Variants in MTCL2 observed in about 807,000 individuals in gnomAD.
The protein encoded by MTCL2 is microtubule cross-linking factor 2.
chr20:36,849,060 C>CTTTTTTTTTTTTTTTTTTTTTTTTTT, the MTCL2 span, among the ~76,000 whole-genome samples: 3 of 62,238 alleles, frequency 4.8e-5, no homozygotes, highest in African/African-American at 1.3e-4. Context: ...AGTTGGTTTC[C>CTTTTTTTTTTTTTTTTTTTTTTTTTT]TTTTTTTTTT....
the MTCL2 span, chr20:36,784,564 C>T: frequency 2.0e-6 from 2 of 985,370 alleles, no homozygotes; most frequent in Non-Finnish European, 2.4e-6. Context: ...ACTCTGGGTC[C>T]CCAGTCAGTT....
chr20:36,844,400 A>AAT, the MTCL2 span, among the ~76,000 whole-genome samples: 13 of 145,168 alleles, frequency 9.0e-5, no homozygotes, highest in African/African-American at 2.8e-4. Context: ...TACAAAAAAA[A>AAT]AATAATAATA....
At chr20:36,854,637 A>T in the MTCL2 span, among the ~76,000 whole-genome samples, 1 of 151,776 alleles carries the variant, frequency 6.6e-6, no homozygotes, top group Non-Finnish European at 1.5e-5. Context: ...AGAGGCGGGG[A>T]GGGGAGAGGC....
the MTCL2 span, among the ~76,000 whole-genome samples, chr20:36,841,874 GGTGTGTGT>G: frequency 3.1e-3 from 348 of 110,860 alleles, 1 homozygote; most frequent in Middle Eastern, 0.021. Context: ...TGGGGGGTGG[GGTGTGTGT>G]GTGTGTGTGT....
the MTCL2 span, among the ~76,000 whole-genome samples, chr20:36,797,959 C>T: frequency 1.3e-5 from 2 of 152,296 alleles, no homozygotes; most frequent in African/African-American, 4.8e-5. Flanking sequence ...TTATGGATCT[C>T]GGCACTTTTT....
chr20:36,816,304 C>T, the MTCL2 span: 4 of 1,567,084 alleles, frequency 2.6e-6, no homozygotes, highest in Middle Eastern at 1.7e-4. Context: ...TCTGCACTGT[C>T]CTCCTGGGAC....
chr20:36,796,251 A>G, the MTCL2 span, among the ~76,000 whole-genome samples: 3 of 152,188 alleles, frequency 2.0e-5, no homozygotes, highest in African/African-American at 7.2e-5. Context: ...AGCTCCTATC[A>G]TCCCCACTAG....
chr20:36,808,066 G>A, the MTCL2 span, among the ~76,000 whole-genome samples: 4 of 149,078 alleles, frequency 2.7e-5, no homozygotes, highest in African/African-American at 4.9e-5. Flanking sequence ...TAGTAGAGAC[G>A]GGGTTTCACC....
chr20:36,855,028 A>G, the MTCL2 span, among the ~76,000 whole-genome samples: 7 of 152,178 alleles, frequency 4.6e-5, no homozygotes, highest in Non-Finnish European at 1.0e-4. Flanking sequence ...CAACACCCAC[A>G]GAGGGACACC....
the MTCL2 span, among the ~76,000 whole-genome samples, chr20:36,820,571 G>A: frequency 2.0e-5 from 3 of 152,224 alleles, no homozygotes; most frequent in Non-Finnish European, 1.5e-5. Flanking sequence ...GCTGGGTGTG[G>A]TGGCTCATGC....
the MTCL2 span, among the ~76,000 whole-genome samples, chr20:36,857,945 A>G: frequency 6.6e-6 from 1 of 152,222 alleles, no homozygotes; most frequent in East Asian, 1.9e-4. Flanking sequence ...ATGTTACAGA[A>G]GGAACAATCT....
chr20:36,858,851 C>T, the MTCL2 span, among the ~76,000 whole-genome samples: 2 of 152,142 alleles, frequency 1.3e-5, no homozygotes, highest in South Asian at 2.1e-4. Context: ...AGTGCAGTGG[C>T]GCCATCTCGG....
the MTCL2 span, chr20:36,817,544 G>T: frequency 7.0e-7 from 1 of 1,424,186 alleles, no homozygotes; most frequent in African/African-American, 1.4e-5. Flanking sequence ...CATGCAGAGA[G>T]CTGTCACAGT....
chr20:36,790,770 C>T, the MTCL2 span, among the ~76,000 whole-genome samples: 1 of 149,516 alleles, frequency 6.7e-6, no homozygotes, highest in African/African-American at 2.5e-5. Flanking sequence ...GAGATGAGCT[C>T]TCACCATGTT....
the MTCL2 span, among the ~76,000 whole-genome samples, chr20:36,807,780 C>T: frequency 1.3e-5 from 2 of 151,884 alleles, no homozygotes; most frequent in East Asian, 3.9e-4. Flanking sequence ...GCCTGTAATC[C>T]CAGCACTTTG....
At chr20:36,830,041 C>T in the MTCL2 span, among the ~76,000 whole-genome samples, 1 of 151,986 alleles carries the variant, frequency 6.6e-6, no homozygotes, top group African/African-American at 2.4e-5. Flanking sequence ...ACTATGTGGT[C>T]CAGGAGAGTC....
chr20:36,848,937 A>C, the MTCL2 span, among the ~76,000 whole-genome samples: 1 of 152,118 alleles, frequency 6.6e-6, no homozygotes, highest in African/African-American at 2.4e-5. Flanking sequence ...ATTTACACTC[A>C]TCAGTAGTTT....
chr20:36,778,267 C>T, the MTCL2 span: 4 of 155,364 alleles, frequency 2.6e-5, no homozygotes, highest in Non-Finnish European at 4.3e-5. Flanking sequence ...CTTGGCCTAG[C>T]CAGTCCCAGT....
chr20:36,826,199 CG>C, the MTCL2 span, among the ~76,000 whole-genome samples: 1 of 150,926 alleles, frequency 6.6e-6, no homozygotes, highest in African/African-American at 2.4e-5. Flanking sequence ...TTAGTAGAGA[CG>C]GGGTTTCACC....
Sources: gnomAD v4.1 joint callset for allele counts (sites outside exome capture counted in the v4.1 genomes callset) on GRCh38, gnomAD v4.1.1 for gene constraint, MANE v1.5 for transcripts, NCBI Gene and HGNC (gene_info 2026-07-23, HGNC 2026-07-21) for gene names.